Variants in NAV1 observed in about 807,000 individuals in gnomAD.
NAV1 encodes neuron navigator 1.
NAV1 carries 18 observed loss-of-function variants against 175.2 expected under a neutral mutation model. That is an observed-to-expected ratio of 0.10 (90% confidence interval 0.07 to 0.15). The LOEUF is 0.15. Ranked by LOEUF, NAV1 falls within the 10% of genes least tolerant of loss-of-function variation. The pLI is 1.00. For synonymous variants in NAV1, 897 were observed against 978.7 expected (o/e 0.92, Z 1.56); for missense variants, 1,731 against 2,436.6 (o/e 0.71, Z 6.10).
intron 3 of NAV1, among the ~76,000 whole-genome samples, chr1:201,732,224 C>G (rs2102525492): frequency 6.6e-6 from 1 of 152,356 alleles, no homozygotes; most frequent in East Asian, 1.9e-4. Flanking sequence ...ATCCTCCCGC[C>G]TCAGCCTCCC....
At chr1:201,758,986 C>A (rs1674676684) in intron 3 of NAV1, among the ~76,000 whole-genome samples, 1 of 152,166 alleles carries the variant, frequency 6.6e-6, no homozygotes, top group Non-Finnish European at 1.5e-5. Flanking sequence ...GAAGCCATAT[C>A]TAACTTGGAA....
chr1:201,754,284 G>T (rs1674315688), intron 3 of NAV1, among the ~76,000 whole-genome samples: 1 of 152,128 alleles, frequency 6.6e-6, no homozygotes, highest in African/African-American at 2.4e-5. Flanking sequence ...ACACCAGTAA[G>T]TCAAGAGCCA....
intron 8 of NAV1, among the ~76,000 whole-genome samples, chr1:201,785,830 TCA>T (rs1466565919): frequency 2.9e-4 from 41 of 139,366 alleles, no homozygotes; most frequent in African/African-American, 1.0e-3. Flanking sequence ...TCTCGCTCTG[TCA>T]CCCAGGCTGG....
chr1:201,782,826 C>T lies in NAV1; in HGVS notation c.2314C>T (p.Pro772Ser). 1 of 1,600,112 alleles carries T rather than the reference C, an allele frequency of 6.2e-7. No homozygotes were observed. Residue 772 changes from proline to serine, a missense_variant, in exon 6 of 30, where the codon CCC (proline) becomes TCC (serine). Physicochemically the swap from Pro to Ser is moderately conservative, Grantham distance 74. Around this residue, in one of 13 missense-constraint regions of NAV1, gnomAD observed 634 missense variants for 766.8 expected, o/e 0.83. Coordinates refer to ENST00000367296, the Ensembl canonical transcript of NAV1. The surrounding 1 kb of genome is among the most constrained non-coding windows in gnomAD (Gnocchi z 5.4). ...TACTCCCAAGAACCAAGCAAGCCAC[C>T]CCACAGCCACCAAGCTGGCAGAGCT...
upstream of NAV1, among the ~76,000 whole-genome samples, chr1:201,644,189 C>T (rs1194347228): frequency 6.6e-6 from 1 of 152,166 alleles, no homozygotes; most frequent in Non-Finnish European, 1.5e-5. Flanking sequence ...CTTCATTGAT[C>T]ATTGATGGTA....
chr1:201,666,455 G>A (rs537637811), intron 1 of NAV1, among the ~76,000 whole-genome samples: 165 of 152,316 alleles, frequency 1.1e-3, no homozygotes, highest in Middle Eastern at 3.4e-3. Flanking sequence ...TTATGAGGGC[G>A]GTCGAGCAAC....
chr1:201,633,078 A>T (rs1379528328), intron 2 of NAV1, among the ~76,000 whole-genome samples: 1 of 152,218 alleles, frequency 6.6e-6, no homozygotes, highest in African/African-American at 2.4e-5. Flanking sequence ...AAGCTCTAAC[A>T]AACTTTATAG....
In NAV1 at chr1:201,753,777, A is replaced by T. The variant is rs1327889036; in HGVS notation, c.1227-26644A>T. Among the ~76,000 whole-genome samples the T allele has an allele frequency of 2.0e-5, 3 of 152,216 alleles. No homozygotes were observed. In the East Asian group the frequency reaches 5.8e-4, roughly 29 times the overall value. ...ACTCCACATAGGAGCACATTCCAGA[A>T]ACACACTGGGGGTTACATAAAGGGC... On this transcript the variant is annotated intron_variant, in intron 3 of 29. Transcript: ENST00000367296.
chr1:201,759,732 G>A (rs1674725428), intron 3 of NAV1, among the ~76,000 whole-genome samples: 1 of 152,204 alleles, frequency 6.6e-6, no homozygotes, highest in African/African-American at 2.4e-5. Flanking sequence ...TACATGGATT[G>A]CTTTGCTACA....
chr1:201,673,858 C>T (rs1461881167), intron 1 of NAV1: 5 of 152,134 alleles, frequency 3.3e-5, no homozygotes, highest in African/African-American at 1.2e-4. Flanking sequence ...GCTATTGAAG[C>T]CAGGTAGAGT....
At position 201,701,009 on chromosome 1, in the gene NAV1, CAA is replaced by C. The variant is rs386369321; in HGVS notation, c.758-11786_758-11785del. Among the ~76,000 whole-genome samples, 4 of 52,764 alleles carry C rather than the reference CAA, an allele frequency of 7.6e-5. 1 individual carries two copies. Among genetic ancestry groups the C allele is most frequent in the East Asian group, 1.5e-3 (2 of 1,376 alleles). The allele number at this position is 52,764 out of a possible 152,430, so 34.6% of individuals were successfully genotyped here. A position where few individuals can be genotyped will look rare whatever the true frequency, so the allele number is the denominator to read the frequency against. On this transcript the variant is annotated intron_variant, in intron 1 of 29. Transcript: ENST00000367296. ...CTGGGGACAGAGTGAGACTCTGTCT[CAA>C]AAAAAAAAAAAAAAAAAAAAAGAAA...
chr1:201,552,765 C>T (rs751926967), intron 1 of NAV1, among the ~76,000 whole-genome samples: 12 of 152,168 alleles, frequency 7.9e-5, no homozygotes, highest in Admixed American at 3.9e-4. Context: ...GAACGTACAC[C>T]GGACAGGCAA....
intron 2 of NAV1, among the ~76,000 whole-genome samples, chr1:201,642,865 A>T (rs139959509): frequency 6.7e-6 from 1 of 148,802 alleles, no homozygotes; most frequent in Non-Finnish European, 1.5e-5. Flanking sequence ...CACCTCCCGG[A>T]TTCACGCCAT....
intron 15 of NAV1, chr1:201,797,823 A>G (rs915104472): frequency 2.0e-5 from 3 of 152,186 alleles, no homozygotes; most frequent in African/African-American, 7.2e-5. Context: ...TTTTTTGCAC[A>G]TTGATCTTAT....
intron 1 of NAV1, among the ~76,000 whole-genome samples, chr1:201,695,790 G>A (rs972491079): frequency 2.0e-5 from 3 of 152,138 alleles, no homozygotes; most frequent in Non-Finnish European, 2.9e-5. Flanking sequence ...TTTGATAGGG[G>A]TCCAAAGGCT....
intron 1 of NAV1, among the ~76,000 whole-genome samples, chr1:201,624,499 A>G (rs1373366338): frequency 1.3e-5 from 2 of 150,642 alleles, no homozygotes; most frequent in Admixed American, 6.6e-5. Context: ...GCCCACCACC[A>G]CACCTGGCTA....
chr1:201,756,809 C>CTTCTTTCTTTCT lies in NAV1; in HGVS notation c.1227-23547_1227-23536dup, dbSNP rs534285799. ...ATGAGCAATTCTCTTTCTTTCTTTC[C>CTTCTTTCTTTCT]TTCTTTCTTTCTTTCTTTCTTTCTT... On this transcript the variant is annotated intron_variant, in intron 3 of 29. Coordinates refer to ENST00000367296, the Ensembl canonical transcript of NAV1. Among the ~76,000 whole-genome samples the CTTCTTTCTTTCT allele has an allele frequency of 2.3e-3, 62 of 26,996 alleles. 1 individual carries two copies. Among genetic ancestry groups the CTTCTTTCTTTCT allele is most frequent in the East Asian group, 6.8e-3 (13 of 1,912 alleles). The allele number at this position is 26,996 out of a possible 152,430, so 17.7% of individuals were successfully genotyped here.
chr1:201,697,245 C>A (rs1401233887), intron 1 of NAV1, among the ~76,000 whole-genome samples: 1 of 152,086 alleles, frequency 6.6e-6, no homozygotes, highest in Admixed American at 6.5e-5. Context: ...CACAGGGTCC[C>A]CAGTGGTGGG....
chr1:201,643,137 T>A (rs1397908347), intron 2 of NAV1, among the ~76,000 whole-genome samples: 1 of 148,914 alleles, frequency 6.7e-6, no homozygotes, highest in East Asian at 2.0e-4. Flanking sequence ...CTTCTTTCCC[T>A]TCCTTCCTTC....
Sources: gnomAD v4.1 joint callset for allele counts (sites outside exome capture counted in the v4.1 genomes callset) on GRCh38, gnomAD v4.1.1 for gene constraint, gnomAD v4.1.1 regional missense constraint, Gnocchi (gnomAD v3.1) non-coding constraint, MANE v1.5 for transcripts, NCBI Gene and HGNC (gene_info 2026-07-23, HGNC 2026-07-21) for gene names.